The following ASIP variants were observed in gnomAD, a reference collection of about 807,000 sequenced individuals.
ASIP encodes the protein agouti signaling protein.
A neutral mutation model predicts 10.3 loss-of-function variants in ASIP; 11 were observed. The observed-to-expected ratio is 1.07, with a 90% CI of 0.68 to 1.78. ASIP has a LOEUF of 1.78. Ranked by LOEUF, ASIP falls within the 40% of genes most tolerant of loss-of-function variation. The probability of loss-of-function intolerance (pLI) is 0.00; values close to 1 mark genes in which losing one functional copy is unlikely to be tolerated. For synonymous variants in ASIP, 70 were observed against 70.8 expected, an observed-to-expected ratio of 0.99 and a Z score of 0.06; for missense variants, 180 against 169.2, an observed-to-expected ratio of 1.06 and a Z score of -0.35.
intron 1 of ASIP, among the ~76,000 whole-genome samples, chr20:34,243,860 C>G (rs1238906366): frequency 2.6e-5 from 4 of 151,442 alleles, no homozygotes; most frequent in African/African-American, 9.7e-5. Context: ...GTCAGGAGAT[C>G]GAGACCATCC....
intron 3 of ASIP, among the ~76,000 whole-genome samples, chr20:34,268,741 A>C (rs2035832794): frequency 6.7e-6 from 1 of 149,266 alleles, no homozygotes; most frequent in East Asian, 2.0e-4. Flanking sequence ...CTAAAAAAAA[A>C]ACAAAAAACA....
chr20:34,269,032 C>A lies in ASIP; in HGVS notation c.264C>A (p.Pro88=), dbSNP rs36093428. The change falls in exon 4 of 4, where the codon CCC becomes CCA. Residue 88 remains proline (P), a synonymous_variant. Transcript: ENST00000374954. ...AGAAAGTGGTGCGGCCCCGGACCCC[C>A]CTATCTGCGCCCTGCGTGGCCACCC... The part of the protein sequence containing the change: ...SMKKVVRPRT[P]LSAPCVATRN... 7.2e-3 allele frequency: 11,613 copies of A among 1,607,478 alleles called. 66 individuals carry two copies. The highest frequency in any genetic ancestry group is 9.6e-3 in the Admixed American group (571 of 59,546).
At chr20:34,202,060 T>C (rs1438900818) in intron 1 of ASIP, among the ~76,000 whole-genome samples, 1 of 150,790 alleles carries the variant, frequency 6.6e-6, no homozygotes, top group African/African-American at 2.4e-5. Flanking sequence ...GTTACTTGAT[T>C]AAAATAATGA....
chr20:34,267,592 C>T (rs867011113), intron 3 of ASIP, among the ~76,000 whole-genome samples: 1 of 151,260 alleles, frequency 6.6e-6, no homozygotes, highest in Admixed American at 6.6e-5. Flanking sequence ...AGTGCAATGG[C>T]GCAATCTCCA....
intron 1 of ASIP, among the ~76,000 whole-genome samples, chr20:34,258,976 G>A (rs2035641513): frequency 6.9e-6 from 1 of 145,888 alleles, no homozygotes; most frequent in Non-Finnish European, 1.5e-5. Context: ...GCTTAGGTGG[G>A]AGGATCACTT....
At chr20:34,214,809 A>G in intron 1 of ASIP, 4 of 1,557,498 alleles carry the variant, frequency 2.6e-6, no homozygotes, top group Non-Finnish European at 3.5e-6. Flanking sequence ...TATGAAGATA[A>G]TCATAACAAA....
intron 1 of ASIP, among the ~76,000 whole-genome samples, chr20:34,195,459 A>G (rs2034849308): frequency 6.6e-6 from 1 of 152,222 alleles, no homozygotes. Flanking sequence ...CTCAAGCCAC[A>G]GGGATCTCAT....
At chr20:34,267,436 G>A in intron 3 of ASIP, among the ~76,000 whole-genome samples, 1 of 126,794 alleles carries the variant, frequency 7.9e-6, no homozygotes, top group Non-Finnish European at 1.5e-5. Context: ...CTTTGGGAGG[G>A]CGACAAGAGT....
At chr20:34,242,156 G>A (rs2035293915) in intron 1 of ASIP, among the ~76,000 whole-genome samples, 1 of 151,826 alleles carries the variant, frequency 6.6e-6, no homozygotes, top group Admixed American at 6.6e-5. Flanking sequence ...TAAATGGGAT[G>A]GCATAGTGAA....
chr20:34,192,844 C>T (rs6059710), upstream of ASIP, among the ~76,000 whole-genome samples: 48,121 of 152,064 alleles, frequency 0.32, 12,054 homozygotes, highest in African/African-American at 0.7. Context: ...ATAATAGTTG[C>T]ACATTTTATA....
chr20:34,262,822 C>G lies in ASIP; in HGVS notation c.161-10C>G. 6.2e-7 allele frequency: 1 copy of G among 1,613,822 alleles called. No individual in the cohort carries two copies. The highest frequency in any genetic ancestry group is 8.5e-7 in the Non-Finnish European group (1 of 1,179,822). On this transcript the variant is annotated splice_polypyrimidine_tract_variant and intron_variant, in intron 2 of 3. Transcript: ENST00000374954. ...ACATCTGACTTTGCTCCTTTTGTCT[C>G]TCTTTGAAGCGCTGAACAAGAAATC...
At chr20:34,264,528 C>T (rs547158521) in intron 3 of ASIP, among the ~76,000 whole-genome samples, 9 of 152,036 alleles carry the variant, frequency 5.9e-5, no homozygotes, top group Non-Finnish European at 1.2e-4. Flanking sequence ...GGAAGTGTTC[C>T]CAAGAAGCAA....
upstream of ASIP, among the ~76,000 whole-genome samples, chr20:34,190,507 T>C (rs2034818287): frequency 6.6e-6 from 1 of 152,212 alleles, no homozygotes; most frequent in Non-Finnish European, 1.5e-5. Flanking sequence ...AACACTCCTA[T>C]CTGCATGTCT....
chr20:34,239,270 G>T (rs757580460), upstream of ASIP, among the ~76,000 whole-genome samples: 64 of 151,500 alleles, frequency 4.2e-4, 1 homozygote, highest in Non-Finnish European at 7.4e-4. Flanking sequence ...AGGCTGGAGT[G>T]CAGTGGCACA....
At chr20:34,257,061 T>C (rs2035581768) in intron 1 of ASIP, among the ~76,000 whole-genome samples, 2 of 114,084 alleles carry the variant, frequency 1.8e-5, no homozygotes, top group Non-Finnish European at 3.4e-5. Flanking sequence ...TCTCTCTCTC[T>C]TTCTTTCTCT....
intron 2 of ASIP, among the ~76,000 whole-genome samples, chr20:34,262,258 C>A (rs2035706523): frequency 6.6e-6 from 1 of 152,206 alleles, no homozygotes; most frequent in South Asian, 2.1e-4. Context: ...CAAGACAATA[C>A]TGCAAGGCAG....
intron 1 of ASIP, among the ~76,000 whole-genome samples, chr20:34,235,507 T>C (rs1003764082): frequency 6.6e-6 from 1 of 152,014 alleles, no homozygotes; most frequent in African/African-American, 2.4e-5. Context: ...TCACGAAGGT[T>C]CTATATGGGA....
intron 1 of ASIP, among the ~76,000 whole-genome samples, chr20:34,217,230 G>A (rs2035014708): frequency 6.6e-6 from 1 of 151,936 alleles, no homozygotes; most frequent in Non-Finnish European, 1.5e-5. Context: ...TTGAGCGCAG[G>A]AATTCAAGAC....
intron 1 of ASIP, chr20:34,250,169 G>A (rs1161333236): frequency 1.3e-5 from 2 of 152,224 alleles, no homozygotes; most frequent in East Asian, 3.9e-4. Flanking sequence ...GACTAACTGA[G>A]CCCAGTCACC....
Sources: gnomAD v4.1 joint callset for allele counts (sites outside exome capture counted in the v4.1 genomes callset) on GRCh38, gnomAD v4.1.1 for gene constraint, MANE v1.5 for transcripts, NCBI Gene and HGNC (gene_info 2026-07-23, HGNC 2026-07-21) for gene names.